KHDRBS2: variants seen among roughly 807,000 people sequenced by gnomAD.
The protein encoded by KHDRBS2 is KH RNA binding domain containing, signal transduction associated 2.
Under a neutral mutation model 44.3 loss-of-function variants are expected in KHDRBS2, and 26 were observed. That is an observed-to-expected ratio of 0.59 (90% confidence interval 0.43 to 0.81). The LOEUF (loss-of-function observed/expected upper bound fraction) is 0.81. Among genes scored for constraint, KHDRBS2 ranks in the 40% least tolerant of loss-of-function variants. KHDRBS2 has a pLI of 0.00. For synonymous variants in KHDRBS2, 194 were observed against 151.1 expected (o/e 1.28, Z -2.08); for missense variants, 476 against 433.1 (o/e 1.10, Z -0.88).
At position 61,739,641 on chromosome 6, in the gene KHDRBS2, A is replaced by G. The variant is rs1346154341; in HGVS notation, c.811-6877T>C. Among the ~76,000 whole-genome samples the G allele has an allele frequency of 3.3e-5, 5 of 151,944 alleles. No individual in the cohort carries two copies. In the East Asian group the frequency reaches 7.7e-4, roughly 23 times the overall value. ...AATCTGCATAATTAACATTTTCTCCATAGCTTTCTTACATTTAGATAAGGA... is the reference window on the plus strand; with the variant it reads ...AATCTGCATAATTAACATTTTCTCCGTAGCTTTCTTACATTTAGATAAGGA... On this transcript the variant is annotated intron_variant, in intron 6 of 8. Coordinates refer to ENST00000281156, the MANE Select transcript of KHDRBS2 (RefSeq NM_152688.4).
At chr6:61,760,451 G>A (rs1779110378) in intron 6 of KHDRBS2, among the ~76,000 whole-genome samples, 1 of 151,962 alleles carries the variant, frequency 6.6e-6, no homozygotes, top group South Asian at 2.1e-4. Flanking sequence ...TGGGCAACAT[G>A]ACAAAACCTC....
chr6:61,628,319 T>C, the KHDRBS2 span, among the ~76,000 whole-genome samples: 28 of 148,734 alleles, frequency 1.9e-4, no homozygotes, highest in Non-Finnish European at 3.0e-4. Flanking sequence ...GTGAAGTTCA[T>C]CTTCCTCACA....
chr6:61,787,656 G>A (rs1336443571), intron 6 of KHDRBS2, among the ~76,000 whole-genome samples: 1 of 151,522 alleles, frequency 6.6e-6, no homozygotes, highest in Non-Finnish European at 1.5e-5. Context: ...AAAAAGCCCT[G>A]GTATTCTTCA....
At chr6:62,082,963 T>A (rs1376690071) in intron 2 of KHDRBS2, among the ~76,000 whole-genome samples, 2 of 152,140 alleles carry the variant, frequency 1.3e-5, no homozygotes, top group African/African-American at 4.8e-5. Context: ...TCCCGTCATT[T>A]ACAATCAAAA....
At chr6:61,635,328 A>G in the KHDRBS2 span, among the ~76,000 whole-genome samples, 1 of 151,992 alleles carries the variant, frequency 6.6e-6, no homozygotes, top group South Asian at 2.1e-4. Context: ...AGACGTGAAG[A>G]TAAAAGGGAA....
chr6:62,042,290 C>T lies in KHDRBS2; in HGVS notation c.336+5588G>A, dbSNP rs570040096. On this transcript the variant is annotated intron_variant, in intron 3 of 8. Transcript: ENST00000281156. ...ATACTCTGCTTATGTTTCACAAACA[C>T]AAATGATATTTAAGCAAGTTATTAT... Among the ~76,000 whole-genome samples, 226 of 152,172 alleles carry T rather than the reference C, an allele frequency of 1.5e-3. 4 individuals carry two copies. In the South Asian group the frequency reaches 0.045, roughly 30 times the overall value.
chr6:62,234,491 C>T (rs1833392772), intron 1 of KHDRBS2, among the ~76,000 whole-genome samples: 1 of 151,458 alleles, frequency 6.6e-6, no homozygotes, highest in African/African-American at 2.4e-5. Context: ...TCATTATATC[C>T]AATATTCTTC....
Position 62,240,672 on chromosome 6 carries a change from G to A in KHDRBS2, c.91+45186C>T, listed in dbSNP as rs176613. Among the ~76,000 whole-genome samples, 204 of 64,102 alleles carry A rather than the reference G, an allele frequency of 3.2e-3. 2 individuals carry two copies. Among genetic ancestry groups the A allele is most frequent in the African/African-American group, 9.2e-3 (173 of 18,842 alleles). 42.1% of individuals were successfully genotyped at this position (64,102 alleles called of 152,430 possible). On this transcript the variant is annotated intron_variant, in intron 1 of 8. Transcript: ENST00000281156. Reference sequence around the variant, plus strand: ...TGTATGTGTGTATGTATGTGTGTGTGTATATATATATATATATATATATAT... The same window carrying A: ...TGTATGTGTGTATGTATGTGTGTGTATATATATATATATATATATATATAT...
the KHDRBS2 span, among the ~76,000 whole-genome samples, chr6:61,545,501 CTGTGTGTGTGTG>C: frequency 6.7e-6 from 1 of 148,334 alleles, no homozygotes; most frequent in South Asian, 2.1e-4. Context: ...TAGCTAATCT[CTGTGTGTGTGTG>C]TGTGTGTGTG....
At chr6:61,998,148 A>C (rs534505300) in intron 3 of KHDRBS2, among the ~76,000 whole-genome samples, 1 of 152,300 alleles carries the variant, frequency 6.6e-6, no homozygotes, top group East Asian at 1.9e-4. Context: ...TAAATGAAGA[A>C]CCTGAATGAG....
At chr6:61,575,067 A>G in the KHDRBS2 span, among the ~76,000 whole-genome samples, 1,535 of 152,368 alleles carry the variant, frequency 0.01, 10 homozygotes, top group Non-Finnish European at 0.014. Context: ...AGAGTTCATG[A>G]CCAAGAACCC....
the KHDRBS2 span, among the ~76,000 whole-genome samples, chr6:61,585,039 A>G: frequency 6.6e-6 from 1 of 151,972 alleles, no homozygotes; most frequent in African/African-American, 2.4e-5. Flanking sequence ...CTTTCATGGA[A>G]AAATAGGTAA....
At chr6:61,778,253 GCC>G (rs1782407624) in intron 6 of KHDRBS2, among the ~76,000 whole-genome samples, 1 of 152,144 alleles carries the variant, frequency 6.6e-6, no homozygotes, top group Non-Finnish European at 1.5e-5. Context: ...GATGAACAGA[GCC>G]TCTGTCACTA....
intron 2 of KHDRBS2, among the ~76,000 whole-genome samples, chr6:62,116,458 T>C (rs1806252665): frequency 1.3e-5 from 2 of 152,128 alleles, no homozygotes; most frequent in Admixed American, 6.6e-5. Context: ...GGCATATTTT[T>C]AAATGTTTTG....
At chr6:61,822,348 G>C (rs571607) in intron 6 of KHDRBS2, among the ~76,000 whole-genome samples, 90,753 of 151,704 alleles carry the variant, frequency 0.6, 27,361 homozygotes, top group South Asian at 0.68. Context: ...TCCTCCCTTT[G>C]TATATCCAGT....
the KHDRBS2 span, among the ~76,000 whole-genome samples, chr6:61,657,468 C>T: frequency 2.6e-4 from 39 of 152,052 alleles, no homozygotes; most frequent in South Asian, 1.2e-3. Flanking sequence ...AGCAAAAGAA[C>T]CCTGGCTTGA....
chr6:61,728,704 G>A (rs1173437841), intron 7 of KHDRBS2, among the ~76,000 whole-genome samples: 1 of 152,138 alleles, frequency 6.6e-6, no homozygotes, highest in East Asian at 1.9e-4. Context: ...GATTTCAAAT[G>A]TAGGTAGATG....
At chr6:61,916,894 T>G (rs1467840000) in intron 4 of KHDRBS2, among the ~76,000 whole-genome samples, 2 of 151,156 alleles carry the variant, frequency 1.3e-5, no homozygotes, top group Non-Finnish European at 2.9e-5. Flanking sequence ...ATGTACTTAT[T>G]AGAATACGGA....
At chr6:61,910,713 G>T (rs1033373089) in intron 4 of KHDRBS2, among the ~76,000 whole-genome samples, 9 of 152,092 alleles carry the variant, frequency 5.9e-5, no homozygotes, top group African/African-American at 2.2e-4. Context: ...TACGTACTTG[G>T]TGTTATGCTT....
Sources: gnomAD v4.1 joint callset for allele counts (sites outside exome capture counted in the v4.1 genomes callset) on GRCh38, gnomAD v4.1.1 for gene constraint, MANE v1.5 for transcripts, NCBI Gene and HGNC (gene_info 2026-07-23, HGNC 2026-07-21) for gene names.